The following ABCA10 variants were observed in gnomAD, a reference collection of about 807,000 sequenced individuals.
The protein encoded by ABCA10 is ATP binding cassette subfamily A member 10, also known as ATP-binding cassette sub-family A member 10.
In ABCA10, 169 loss-of-function variants were observed where a neutral mutation model predicts 187.5. The observed-to-expected ratio is 0.90, with a 90% confidence interval of 0.80 to 1.02. The LOEUF (loss-of-function observed/expected upper bound fraction) is 1.02, where lower values mean the gene tolerates loss of function less well. Ranked by LOEUF, ABCA10 falls within the 50% of genes least tolerant of loss-of-function variation. The probability of loss-of-function intolerance (pLI) is 0.00; values close to 1 mark genes in which losing one functional copy is unlikely to be tolerated. For synonymous variants in ABCA10, 574 were observed against 601.8 expected, an observed-to-expected ratio of 0.95 and a Z score of 0.68; for missense variants, 1,727 against 1,812.4, an observed-to-expected ratio of 0.95 and a Z score of 0.86.
chr17:69,153,201 A>G, intron 34 of ABCA10, 104 bp downstream of exon 34: 1 of 1,387,876 alleles, frequency 7.2e-7, no homozygotes, highest in Non-Finnish European at 9.7e-7. Context: ...GTGCACATCA[A>G]AGGTTAATGG....
chr17:69,217,766 C>G (rs1416828205), intron 6 of ABCA10, among the ~76,000 whole-genome samples: 1 of 152,136 alleles, frequency 6.6e-6, no homozygotes, highest in Non-Finnish European at 1.5e-5. Flanking sequence ...ACTTGGGATA[C>G]TTGCATTTGG....
At chr17:69,210,170 C>CTTTTTTTTTTTTTTTTT (rs1160992125) in intron 9 of ABCA10, among the ~76,000 whole-genome samples, 3 of 70,876 alleles carry the variant, frequency 4.2e-5, no homozygotes, top group African/African-American at 1.3e-4. Context: ...GTGGTTATTT[C>CTTTTTTTTTTTTTTTTT]TTTTTTTTTT....
At chr17:69,226,162 T>C (rs963222141) in intron 2 of ABCA10, among the ~76,000 whole-genome samples, 2 of 152,036 alleles carry the variant, frequency 1.3e-5, no homozygotes, top group African/African-American at 4.8e-5. Context: ...TTTTTTGAGA[T>C]ACTAAAATAT....
At chr17:69,217,461 A>G (rs1002908353) in intron 6 of ABCA10, among the ~76,000 whole-genome samples, 1 of 152,224 alleles carries the variant, frequency 6.6e-6, no homozygotes, top group African/African-American at 2.4e-5. Context: ...CTGTATATGA[A>G]TGTTAATCAC....
intron 9 of ABCA10, among the ~76,000 whole-genome samples, chr17:69,208,218 C>A (rs960884071): frequency 6.6e-6 from 1 of 151,728 alleles, no homozygotes. Flanking sequence ...GACTTCAAGA[C>A]CATCCTGGCT....
In ABCA10 at chr17:69,202,629, AT is replaced by A. The variant is rs549597116; in HGVS notation, c.1007-962del. Among the ~76,000 whole-genome samples, 1,407 of 152,242 alleles carry A rather than the reference AT, an allele frequency of 9.2e-3. 16 individuals carry two copies. The highest frequency in any genetic ancestry group is 0.031 in the African/African-American group (1,294 of 41,534). On this transcript the variant is annotated intron_variant, in intron 9 of 38. Transcript: ENST00000690296. ...TCTTCTCATGTTTTATTTTATATAA[AT>A]TTTTTTCAACCAAATACATAGATAA... is the stretch of plus-strand genomic sequence containing the variant.
intron 9 of ABCA10, among the ~76,000 whole-genome samples, chr17:69,211,695 TC>T (rs1309881893): frequency 1.3e-5 from 2 of 152,094 alleles, no homozygotes; most frequent in Non-Finnish European, 2.9e-5. Flanking sequence ...TTCTATTTCT[TC>T]CTGGTTTATT....
chr17:69,174,462 T>A, intron 24 of ABCA10, 68 bp from the exon 25 acceptor site: 4 of 1,308,014 alleles, frequency 3.1e-6, no homozygotes, highest in Non-Finnish European at 4.3e-6. Flanking sequence ...GGAGGGGAGA[T>A]AATCAGGTCA....
Position 69,182,226 on chromosome 17 carries a change from A to G in ABCA10, c.2696T>C (p.Ile899Thr). The change falls in exon 22 of 39, where the codon ATT becomes ACT. Residue 899 changes from isoleucine (I) to threonine (T), a missense_variant. Transcript: ENST00000690296. ...KLNCFPVLMGIVSNALMGIFN... is the reference protein window; with the variant it reads ...KLNCFPVLMGTVSNALMGIFN... ...AATTCCCATAAGGGCATTGCTAACA[A>G]TTCCCATAAGAACAGGAAAACAATT... 4 of 1,601,608 alleles carry G rather than the reference A, an allele frequency of 2.5e-6. No homozygotes were observed. The highest frequency in any genetic ancestry group is 3.4e-6 in the Non-Finnish European group (4 of 1,173,334).
At chr17:69,201,940 G>A (rs1043907820) in intron 9 of ABCA10, among the ~76,000 whole-genome samples, 13 of 151,992 alleles carry the variant, frequency 8.6e-5, no homozygotes, top group Non-Finnish European at 1.8e-4. Context: ...CTGCCACCAC[G>A]CCCGGCTAAC....
At chr17:69,165,232 GA>G in intron 25 of ABCA10, 149 bp from the exon 26 acceptor site, 1 of 700,738 alleles carries the variant, frequency 1.4e-6, no homozygotes, top group Non-Finnish European at 2.3e-6. Context: ...TCCTCTTTAG[GA>G]AGTCTCAAAC....
chr17:69,209,205 T>C (rs1442054760), intron 9 of ABCA10, among the ~76,000 whole-genome samples: 4 of 152,282 alleles, frequency 2.6e-5, no homozygotes, highest in Non-Finnish European at 4.4e-5. Flanking sequence ...TTATCAAATA[T>C]GAGAGTGCTT....
In ABCA10 at chr17:69,167,293, A is replaced by G. The variant is rs549514849; in HGVS notation, c.3163-2210T>C. On this transcript the variant is annotated intron_variant, in intron 25 of 38. Transcript: ENST00000690296. Reference sequence around the variant, plus strand: ...AGAACTTTTCAGGCTCATTACACACAGTACTCTATGGAAAGGATTGTCAAC... The same window carrying G: ...AGAACTTTTCAGGCTCATTACACACGGTACTCTATGGAAAGGATTGTCAAC... 1.4e-3 allele frequency among the ~76,000 whole-genome samples: 206 copies of G among 152,292 alleles called. No individual in the cohort carries two copies. The Middle Eastern group carries it at 0.02, about 15-fold the overall frequency.
Position 69,225,363 on chromosome 17 carries a change from C to T in ABCA10, c.-5G>A, listed in dbSNP as rs776888599. ...AGCCAAGGCCATCTTATTCATTATC[C>T]TTTGTGTTATGTTACTGACTGGTGT... On this transcript the variant is annotated 5_prime_UTR_variant, in exon 3 of 39. Transcript: ENST00000690296. The T allele has an allele frequency of 3.1e-6, 5 of 1,613,152 alleles. No homozygotes were observed. In the African/African-American group the frequency reaches 4.0e-5, roughly 13 times the overall value.
upstream of ABCA10, among the ~76,000 whole-genome samples, chr17:69,230,844 ATC>A (rs1244682519): frequency 6.6e-6 from 1 of 152,082 alleles, no homozygotes; most frequent in Non-Finnish European, 1.5e-5. Context: ...TCTCTTGGTT[ATC>A]TCTTTTTATT....
intron 20 of ABCA10, 95 bp from the exon 21 acceptor site, chr17:69,182,903 A>G: frequency 7.0e-7 from 1 of 1,437,144 alleles, no homozygotes; most frequent in East Asian, 2.3e-5. Flanking sequence ...AATCGTGTTA[A>G]GAAAAACCCA....
intron 9 of ABCA10, among the ~76,000 whole-genome samples, chr17:69,207,898 A>T (rs2074603511): frequency 6.6e-6 from 1 of 152,178 alleles, no homozygotes; most frequent in South Asian, 2.1e-4. Context: ...GTATTTTGAA[A>T]ATTGCTAAGA....
chr17:69,220,552 T>C (rs889320260), intron 5 of ABCA10, among the ~76,000 whole-genome samples: 3 of 152,178 alleles, frequency 2.0e-5, no homozygotes, highest in Non-Finnish European at 4.4e-5. Flanking sequence ...CAGTTCCTTT[T>C]ACTCAGCTAG....
intron 20 of ABCA10, among the ~76,000 whole-genome samples, chr17:69,184,892 CAT>C (rs1178504105): frequency 1.4e-4 from 20 of 146,078 alleles, no homozygotes; most frequent in African/African-American, 1.6e-4. Context: ...CACACACACA[CAT>C]ACATATATAT....
Sources: allele counts gnomAD v4.1 joint callset (sites outside exome capture counted in the v4.1 genomes callset), GRCh38; gene constraint gnomAD v4.1.1; transcripts MANE v1.5; gene names NCBI Gene and HGNC (gene_info 2026-07-23, HGNC 2026-07-21).